The following VWC2 variants were observed in gnomAD, a reference collection of about 807,000 sequenced individuals.
VWC2 encodes von Willebrand factor C domain containing 2.
A neutral mutation model predicts 29.8 loss-of-function variants in VWC2; 14 were observed. The observed-to-expected ratio is 0.47, with a 90% confidence interval of 0.31 to 0.74. The LOEUF is 0.74. Ranked by LOEUF, VWC2 falls within the 30% of genes least tolerant of loss-of-function variation. The probability of loss-of-function intolerance (pLI) is 0.05; values close to 1 mark genes in which losing one functional copy is unlikely to be tolerated. For missense variants in VWC2, 457 were observed against 459.8 expected, an observed-to-expected ratio of 0.99 and a Z score of 0.05; for synonymous variants, 213 against 199.0, an observed-to-expected ratio of 1.07 and a Z score of -0.59.
chr7:49,853,660 T>C (rs1460186972), intron 3 of VWC2, among the ~76,000 whole-genome samples: 1 of 149,988 alleles, frequency 6.7e-6, no homozygotes, highest in East Asian at 1.9e-4. Flanking sequence ...TTTGTTTTTC[T>C]TCTTGTCATT....
intron 3 of VWC2, among the ~76,000 whole-genome samples, chr7:49,905,444 T>C (rs547224103): frequency 1.3e-5 from 2 of 152,338 alleles, no homozygotes; most frequent in East Asian, 1.9e-4. Flanking sequence ...TTGGTAAATA[T>C]TCGTTTTTCA....
chr7:49,910,838 C>T (rs1793369981), intron 3 of VWC2, among the ~76,000 whole-genome samples: 1 of 152,182 alleles, frequency 6.6e-6, no homozygotes, highest in Admixed American at 6.5e-5. Flanking sequence ...AAACAAGCAG[C>T]ATCCACATCA....
chr7:49,912,482 A>G lies in VWC2; in HGVS notation c.*297A>G, dbSNP rs950527096. 1.8e-5 allele frequency: 4 copies of G among 221,710 alleles called. No homozygotes were observed. In the South Asian group the frequency reaches 2.7e-4, roughly 15 times the overall value. 13.7% of individuals were successfully genotyped at this position (221,710 alleles called of 1,614,324 possible). ...AATGTATTTCTATAATCCCTCCATT[A>G]GAGAGCTTATATAAGTGTTTTCTAT... On this transcript the variant is annotated 3_prime_UTR_variant, in exon 4 of 4. Transcript: ENST00000340652.
intron 3 of VWC2, among the ~76,000 whole-genome samples, chr7:49,851,018 G>A (rs1441346018): frequency 6.6e-6 from 1 of 152,174 alleles, no homozygotes; most frequent in Non-Finnish European, 1.5e-5. Context: ...CCGCAATTCT[G>A]CAGGCCAGAA....
intron 3 of VWC2, among the ~76,000 whole-genome samples, chr7:49,902,007 C>A (rs968213108): frequency 6.8e-6 from 1 of 147,296 alleles, no homozygotes; most frequent in Non-Finnish European, 1.5e-5. Context: ...AATCAAGAGA[C>A]AGACTTTACA....
At chr7:49,803,636 G>A (rs1009808615) in intron 3 of VWC2, among the ~76,000 whole-genome samples, 9 of 152,156 alleles carry the variant, frequency 5.9e-5, no homozygotes, top group Non-Finnish European at 1.5e-5. Context: ...GGGGACCCCT[G>A]GTTGAGAGCA....
At chr7:49,891,992 A>G (rs190481128) in intron 3 of VWC2, among the ~76,000 whole-genome samples, 16 of 148,802 alleles carry the variant, frequency 1.1e-4, no homozygotes, top group Admixed American at 6.0e-4. Context: ...CCTATAAATT[A>G]TAACCAAAAG....
chr7:49,838,386 A>G (rs548264683), intron 3 of VWC2, among the ~76,000 whole-genome samples: 42 of 152,268 alleles, frequency 2.8e-4, no homozygotes, highest in African/African-American at 1.0e-3. Context: ...CTTAGGAATA[A>G]CTAATTGGAC....
intron 3 of VWC2, among the ~76,000 whole-genome samples, chr7:49,861,378 T>C (rs1790648564): frequency 6.6e-6 from 1 of 152,208 alleles, no homozygotes; most frequent in Admixed American, 6.5e-5. Context: ...CTTTTTTATA[T>C]TTTGAATATT....
chr7:49,872,562 GA>G (rs1791204755), intron 3 of VWC2, among the ~76,000 whole-genome samples: 1 of 151,598 alleles, frequency 6.6e-6, no homozygotes, highest in Admixed American at 6.6e-5. Context: ...TACAAAACAG[GA>G]AAAAACTACC....
chr7:49,806,777 C>T (rs1428792752), intron 3 of VWC2, among the ~76,000 whole-genome samples: 3 of 151,774 alleles, frequency 2.0e-5, no homozygotes, highest in Non-Finnish European at 4.4e-5. Context: ...TATCAAGATC[C>T]TCTCACAAAG....
intron 3 of VWC2, among the ~76,000 whole-genome samples, chr7:49,852,714 A>T (rs1790231291): frequency 6.6e-6 from 1 of 152,088 alleles, no homozygotes; most frequent in South Asian, 2.1e-4. Context: ...GCTCCTACAG[A>T]TCAAAATCTG....
chr7:49,889,844 G>A (rs992797280), intron 3 of VWC2, among the ~76,000 whole-genome samples: 6 of 152,098 alleles, frequency 3.9e-5, no homozygotes, highest in Non-Finnish European at 8.8e-5. Flanking sequence ...CCAGTATGCC[G>A]TCATTCACGC....
intron 3 of VWC2, among the ~76,000 whole-genome samples, chr7:49,827,827 T>C (rs1789439678): frequency 6.6e-6 from 1 of 152,210 alleles, no homozygotes; most frequent in Non-Finnish European, 1.5e-5. Flanking sequence ...TATTTTACTG[T>C]AAAATGCAAT....
chr7:49,896,348 G>C (rs774237081), intron 3 of VWC2, among the ~76,000 whole-genome samples: 2 of 152,036 alleles, frequency 1.3e-5, no homozygotes, highest in Non-Finnish European at 2.9e-5. Context: ...TTCAAAAAAA[G>C]GAAAGTATAA....
rs921193797 is a variant in VWC2 at position 49,773,946 on chromosome 7, G to T, written c.-271G>T. Reference sequence around the variant, plus strand: ...CGACTCCCCAGAGACGCCCTAGCCCGGTGTGCGCGCCAGGCGGAGCGCGCA... The same window carrying T: ...CGACTCCCCAGAGACGCCCTAGCCCTGTGTGCGCGCCAGGCGGAGCGCGCA... On this transcript the variant is annotated 5_prime_UTR_variant, in exon 1 of 4. Coordinates refer to ENST00000340652, the MANE Select transcript of VWC2 (RefSeq NM_198570.5). 6.6e-6 allele frequency: 1 copy of T among 152,068 alleles called. No individual in the cohort carries two copies. The highest frequency in any genetic ancestry group is 1.5e-5 in the Non-Finnish European group (1 of 68,018). The allele number at this position is 152,068 out of a possible 1,614,324, so 9.4% of individuals were successfully genotyped here. A position where few individuals can be genotyped will look rare whatever the true frequency, so the allele number is the denominator to read the frequency against.
Position 49,782,905 on chromosome 7 carries a change from C to T in VWC2, c.696+6774C>T, listed in dbSNP as rs554349254. 5.3e-5 allele frequency among the ~76,000 whole-genome samples: 8 copies of T among 152,214 alleles called. No individual in the cohort carries two copies. In the South Asian group the frequency reaches 1.7e-3, roughly 32 times the overall value. ...AGTGGATAGTATTCTGCATTCCTCT[C>T]CCATTATAAGAAGTAAATAAGATGT... On this transcript the variant is annotated intron_variant, in intron 2 of 3. Coordinates refer to ENST00000340652, the MANE Select transcript of VWC2 (RefSeq NM_198570.5).
At chr7:49,843,775 A>G (rs1201242857) in intron 3 of VWC2, among the ~76,000 whole-genome samples, 1 of 152,250 alleles carries the variant, frequency 6.6e-6, no homozygotes, top group Non-Finnish European at 1.5e-5. Flanking sequence ...CCAGCGCTAC[A>G]GGGCATTGTG....
chr7:49,806,631 G>A (rs1788884456), intron 3 of VWC2, among the ~76,000 whole-genome samples: 1 of 152,116 alleles, frequency 6.6e-6, no homozygotes, highest in Non-Finnish European at 1.5e-5. Context: ...CTGAGAATTA[G>A]GCAGAGTTTT....
Sources: gnomAD v4.1 joint callset for allele counts (sites outside exome capture counted in the v4.1 genomes callset) on GRCh38, gnomAD v4.1.1 for gene constraint, MANE v1.5 for transcripts, NCBI Gene and HGNC (gene_info 2026-07-23, HGNC 2026-07-21) for gene names.